The following PEX5L variants were observed in gnomAD, a reference collection of about 807,000 sequenced individuals.
The protein encoded by PEX5L is PEX5-related protein.
Under a neutral mutation model 84.0 loss-of-function variants are expected in PEX5L, and 30 were observed. The ratio of observed to expected loss-of-function variants is 0.36; its 90% CI spans 0.27 to 0.48. The LOEUF (loss-of-function observed/expected upper bound fraction) is 0.48, where lower values mean the gene tolerates loss of function less well. Among genes scored for constraint, PEX5L ranks in the 20% least tolerant of loss-of-function variants. The pLI, the probability that PEX5L is intolerant of heterozygous loss-of-function variation, is 0.99. For synonymous variants in PEX5L, 270 were observed against 283.1 expected (o/e 0.95, Z 0.46); for missense variants, 533 against 754.6 (o/e 0.71, Z 3.44).
intron 1 of PEX5L, among the ~76,000 whole-genome samples, chr3:179,990,603 A>G (rs1787291480): frequency 6.6e-6 from 1 of 152,066 alleles, no homozygotes; most frequent in African/African-American, 2.4e-5. Flanking sequence ...AGGTCTCAAT[A>G]TGTTTCCCAG....
intron 1 of PEX5L, among the ~76,000 whole-genome samples, chr3:179,988,512 T>C (rs910673292): frequency 7.2e-5 from 11 of 152,138 alleles, no homozygotes; most frequent in African/African-American, 2.7e-4. Flanking sequence ...CCCAGGAGGA[T>C]TTAGTGTCTT....
chr3:179,964,918 T>C (rs1258137802), intron 2 of PEX5L, among the ~76,000 whole-genome samples: 1 of 152,214 alleles, frequency 6.6e-6, no homozygotes, highest in African/African-American at 2.4e-5. Flanking sequence ...AAGTAGATAT[T>C]TTCCTCATTT....
intron 2 of PEX5L, among the ~76,000 whole-genome samples, chr3:179,964,753 C>G (rs138716534): frequency 2.2e-3 from 339 of 152,274 alleles, no homozygotes; most frequent in Non-Finnish European, 4.0e-3. Context: ...AATGAGATAA[C>G]AAGGGGATCT....
rs1450670637 is a variant in PEX5L at position 179,795,455 on chromosome 3, C to G, written c.*6373G>C. ...AGTAATTTTATTTCAAAGAGCAACG[C>G]AGGGAAATACTAAGATGAAGCCTTA... On this transcript the variant is annotated 3_prime_UTR_variant, in exon 15 of 15. Transcript: ENST00000467460. The G allele has an allele frequency of 2.0e-5, 3 of 152,112 alleles. No individual in the cohort carries two copies. Among genetic ancestry groups the G allele is most frequent in the Admixed American group, 1.3e-4 (2 of 15,276 alleles). The allele number at this position is 152,112 out of a possible 1,614,324, so 9.4% of individuals were successfully genotyped here.
chr3:180,001,051 ACC>A (rs1788354114), intron 1 of PEX5L, among the ~76,000 whole-genome samples: 1 of 152,038 alleles, frequency 6.6e-6, no homozygotes, highest in Non-Finnish European at 1.5e-5. Context: ...GGAAAGGCAG[ACC>A]CACCCTTAAT....
chr3:180,009,873 TC>T (rs1380068151), intron 1 of PEX5L, among the ~76,000 whole-genome samples: 2 of 152,204 alleles, frequency 1.3e-5, no homozygotes, highest in African/African-American at 4.8e-5. Flanking sequence ...TGGCTGTGGT[TC>T]TCCATATTGG....
At chr3:179,816,349 C>A (rs1403709168) in intron 9 of PEX5L, among the ~76,000 whole-genome samples, 1 of 152,126 alleles carries the variant, frequency 6.6e-6, no homozygotes, top group Admixed American at 6.5e-5. Context: ...AAATGCCCAT[C>A]AATGATAGAC....
chr3:179,897,895 C>T (rs573298465), intron 3 of PEX5L, among the ~76,000 whole-genome samples: 40 of 152,030 alleles, frequency 2.6e-4, no homozygotes, highest in Non-Finnish European at 5.0e-4. Context: ...CACATATATT[C>T]TCTTTCTCTT....
intron 1 of PEX5L, among the ~76,000 whole-genome samples, chr3:179,985,798 TC>T (rs1786757160): frequency 6.6e-6 from 1 of 152,132 alleles, no homozygotes; most frequent in African/African-American, 2.4e-5. Flanking sequence ...TGGGGGCCTT[TC>T]TGCCTCCCCT....
chr3:179,940,821 T>G (rs531925896), intron 2 of PEX5L, among the ~76,000 whole-genome samples: 6 of 152,386 alleles, frequency 3.9e-5, no homozygotes, highest in South Asian at 2.1e-4. Flanking sequence ...CTTACCATTT[T>G]AGTCCAAAAT....
Position 179,828,737 on chromosome 3 carries a change from A to G in PEX5L, c.823-8761T>C, listed in dbSNP as rs113255876. Among the ~76,000 whole-genome samples, 3 of 152,204 alleles carry G rather than the reference A, an allele frequency of 2.0e-5. No homozygotes were observed. In the East Asian group the frequency reaches 5.8e-4, roughly 29 times the overall value. On this transcript the variant is annotated intron_variant, in intron 8 of 14. Transcript: ENST00000467460. ...TGAGATAAAGCCTTAGTGTATGAGC[A>G]TCTAAAGTTCCACAAAAACAGAGAC...
intron 7 of PEX5L, among the ~76,000 whole-genome samples, chr3:179,870,338 G>A (rs986655071): frequency 6.6e-6 from 1 of 152,144 alleles, no homozygotes; most frequent in Non-Finnish European, 1.5e-5. Context: ...TGAGAACACA[G>A]CTTCTTCATC....
At chr3:179,882,989 C>T (rs1421730559) in intron 4 of PEX5L, among the ~76,000 whole-genome samples, 1 of 152,048 alleles carries the variant, frequency 6.6e-6, no homozygotes, top group Non-Finnish European at 1.5e-5. Flanking sequence ...GTCTCAGCTA[C>T]TCGGGAGACT....
rs188823016 is a variant in PEX5L, at chr3:179,881,203, C to T, written c.311-1080G>A. 7 of 152,496 alleles carry T rather than the reference C, an allele frequency of 4.6e-5. 1 individual carries two copies. Among genetic ancestry groups the T allele is most frequent in the Admixed American group, 3.9e-4 (6 of 15,302 alleles). The allele number at this position is 152,496 out of a possible 1,614,324, so 9.4% of individuals were successfully genotyped here. A position where few individuals can be genotyped will look rare whatever the true frequency, so the allele number is the denominator to read the frequency against. On this transcript the variant is annotated intron_variant, in intron 4 of 14. Coordinates refer to ENST00000467460, the MANE Select transcript of PEX5L (RefSeq NM_016559.3). ...GTGGGGGATGGATTTTTGCTGATGT[C>T]TCAATACTCTTCTGTCTGCTTCTCC... is the stretch of plus-strand genomic sequence containing the variant.
rs185843090 is a variant in PEX5L, at chr3:179,797,952, G to C, written c.*3876C>G. On this transcript the variant is annotated 3_prime_UTR_variant, in exon 15 of 15. Transcript: ENST00000467460. ...ACTGATTCAGGGCAAATGAGGAAGG[G>C]TCTCAGAATGATCAACTTGCTTTCT... is the stretch of plus-strand genomic sequence containing the variant. The C allele has an allele frequency of 3.9e-4, 60 of 152,254 alleles. 2 individuals are homozygous for C. The highest frequency in any genetic ancestry group is 1.3e-3 in the African/African-American group (56 of 41,544). 9.4% of individuals were successfully genotyped at this position (152,254 alleles called of 1,614,324 possible).
intron 2 of PEX5L, among the ~76,000 whole-genome samples, chr3:179,942,696 T>C (rs1418584462): frequency 6.6e-6 from 1 of 152,222 alleles, no homozygotes; most frequent in African/African-American, 2.4e-5. Context: ...ACCTGTCAAC[T>C]GAGTCTCCTG....
At chr3:180,014,027 T>C (rs886072757) in intron 1 of PEX5L, among the ~76,000 whole-genome samples, 2 of 152,216 alleles carry the variant, frequency 1.3e-5, no homozygotes, top group Non-Finnish European at 2.9e-5. Flanking sequence ...TGAGAAGTCT[T>C]GGCACCATTG....
chr3:179,869,293 A>G (rs774459710), intron 7 of PEX5L, among the ~76,000 whole-genome samples: 8 of 152,174 alleles, frequency 5.3e-5, no homozygotes, highest in Non-Finnish European at 7.4e-5. Flanking sequence ...ACTAATCACT[A>G]TCTTAACCTA....
At chr3:179,995,454 G>A (rs1189615495) in intron 1 of PEX5L, among the ~76,000 whole-genome samples, 1 of 152,000 alleles carries the variant, frequency 6.6e-6, no homozygotes, top group African/African-American at 2.4e-5. Context: ...AACACTGATA[G>A]TCCTTAGTGT....
Sources: allele counts gnomAD v4.1 joint callset (sites outside exome capture counted in the v4.1 genomes callset), GRCh38; gene constraint gnomAD v4.1.1; transcripts MANE v1.5; gene names NCBI Gene and HGNC (gene_info 2026-07-23, HGNC 2026-07-21).